BLTP1: variants seen among roughly 807,000 people sequenced by gnomAD.
The protein encoded by BLTP1 is bridge-like lipid transfer protein family member 1, also known as fragile site-associated protein.
At chr4:122,274,283 A>G in the BLTP1 span, 1 of 926,602 alleles carries the variant, frequency 1.1e-6, no homozygotes, top group East Asian at 2.6e-5. Context: ...TGTAATTTTA[A>G]TATGAAATGC....
the BLTP1 span, chr4:122,262,588 A>C: frequency 2.4e-3 from 693 of 283,306 alleles, 3 homozygotes; most frequent in African/African-American, 0.014. Context: ...ATTTTTACCT[A>C]CATTTAAGGA....
At chr4:122,251,746 A>G in the BLTP1 span, 1 of 298,614 alleles carries the variant, frequency 3.3e-6, no homozygotes, top group African/African-American at 2.3e-5. Context: ...TTATTGGTCC[A>G]TTTCTTTATG....
chr4:122,340,896 G>A, the BLTP1 span: 1 of 879,740 alleles, frequency 1.1e-6, no homozygotes, highest in Non-Finnish European at 1.4e-6. Context: ...AACTAGTGTT[G>A]TCAGCGATAA....
chr4:122,269,124 A>G, the BLTP1 span: 2 of 928,822 alleles, frequency 2.2e-6, no homozygotes, highest in Non-Finnish European at 2.6e-6. Flanking sequence ...ATTTATATTT[A>G]AATTTGCAAG....
chr4:122,178,512 C>A, the BLTP1 span, among the ~76,000 whole-genome samples: 3 of 152,196 alleles, frequency 2.0e-5, no homozygotes, highest in African/African-American at 7.2e-5. Context: ...ACGACAGATT[C>A]TCTCCTTTCA....
chr4:122,239,432 TA>T, the BLTP1 span: 1 of 1,153,102 alleles, frequency 8.7e-7, no homozygotes, highest in Non-Finnish European at 1.2e-6. Flanking sequence ...TTAAAATTAC[TA>T]AAAGGATTTT....
the BLTP1 span, among the ~76,000 whole-genome samples, chr4:122,216,533 G>A: frequency 0.25 from 37,927 of 151,992 alleles, 5,691 homozygotes; most frequent in Middle Eastern, 0.48. Context: ...AACATTTTTC[G>A]TATGTTTGTT....
At chr4:122,336,761 G>A in the BLTP1 span, 1 of 1,284,916 alleles carries the variant, frequency 7.8e-7, no homozygotes, top group South Asian at 1.6e-5. Context: ...AAGGGCTACA[G>A]AAGCAAATGT....
chr4:122,350,262 ACAT>A, the BLTP1 span: 9 of 985,434 alleles, frequency 9.1e-6, no homozygotes, highest in Non-Finnish European at 1.1e-5. Flanking sequence ...ATTTAGGAAG[ACAT>A]CATTTGTTAT....
chr4:122,325,536 T>A, the BLTP1 span: 1 of 1,231,376 alleles, frequency 8.1e-7, no homozygotes. Flanking sequence ...ACATTTTACA[T>A]GCACAATAAA....
chr4:122,297,579 A>G, the BLTP1 span, among the ~76,000 whole-genome samples: 1 of 152,206 alleles, frequency 6.6e-6, no homozygotes, highest in African/African-American at 2.4e-5. Flanking sequence ...AGGAACATAA[A>G]TCATTCTATT....
the BLTP1 span, among the ~76,000 whole-genome samples, chr4:122,287,066 TA>T: frequency 1.3e-5 from 2 of 152,186 alleles, no homozygotes; most frequent in African/African-American, 4.8e-5. Context: ...AAATGATTAT[TA>T]AAAGCAAATC....
the BLTP1 span, among the ~76,000 whole-genome samples, chr4:122,206,299 G>T: frequency 6.6e-6 from 1 of 151,884 alleles, no homozygotes; most frequent in Admixed American, 6.6e-5. Context: ...CAGTGAAAGC[G>T]AGATACCATT....
the BLTP1 span, chr4:122,263,619 AT>A: frequency 3.9e-6 from 6 of 1,528,400 alleles, no homozygotes; most frequent in Admixed American, 7.6e-5. Flanking sequence ...TTATCACATT[AT>A]TTTGCTTAAC....
chr4:122,242,519 T>G, the BLTP1 span, among the ~76,000 whole-genome samples: 17 of 152,302 alleles, frequency 1.1e-4, no homozygotes, highest in South Asian at 3.5e-3. Flanking sequence ...TTTTTGCCAT[T>G]AAGTCTAAAT....
At chr4:122,180,032 A>G in the BLTP1 span, 1 of 945,716 alleles carries the variant, frequency 1.1e-6, no homozygotes. Flanking sequence ...ATGTACACAC[A>G]CACACACACA....
the BLTP1 span, among the ~76,000 whole-genome samples, chr4:122,321,979 A>ATTTTTTTTTTTTTTTTTTTTTTT: frequency 5.6e-4 from 15 of 27,012 alleles, no homozygotes; most frequent in Admixed American, 1.1e-3. Context: ...ACTACATGTA[A>ATTTTTTTTTTTTTTTTTTTTTTT]TTTTTTTTTT....
At chr4:122,159,575 A>AT in the BLTP1 span, among the ~76,000 whole-genome samples, 3 of 151,804 alleles carry the variant, frequency 2.0e-5, no homozygotes, top group Non-Finnish European at 4.4e-5. Flanking sequence ...TGTTGAATTG[A>AT]TTTTTTCTTT....
chr4:122,201,859 G>A, the BLTP1 span: 1 of 984,338 alleles, frequency 1.0e-6, no homozygotes, highest in Admixed American at 6.2e-5. Context: ...TGCAACAGTT[G>A]TTTTATACAA....
Sources: gnomAD v4.1 joint callset for allele counts (sites outside exome capture counted in the v4.1 genomes callset) on GRCh38, gnomAD v4.1.1 for gene constraint, MANE v1.5 for transcripts, NCBI Gene and HGNC (gene_info 2026-07-23, HGNC 2026-07-21) for gene names.